IL18R1: variants seen among roughly 807,000 people sequenced by gnomAD.
IL18R1 encodes the protein interleukin 18 receptor 1.
In IL18R1, 40 loss-of-function variants were observed where a neutral mutation model predicts 48.5. The observed-to-expected ratio is 0.82, with a 90% CI of 0.64 to 1.07. The LOEUF (loss-of-function observed/expected upper bound fraction) is 1.07. Among genes scored for constraint, IL18R1 ranks in the 50% least tolerant of loss-of-function variants. IL18R1 has a pLI of 0.00. For synonymous variants in IL18R1, 232 were observed against 225.9 expected, an observed-to-expected ratio of 1.03 and a Z score of -0.24; for missense variants, 596 against 633.7, an observed-to-expected ratio of 0.94 and a Z score of 0.64.
At position 102,380,669 on chromosome 2, in the gene IL18R1, C is replaced by CACTG. The variant is rs367949546; in HGVS notation, c.626-950_626-947dup. Among the ~76,000 whole-genome samples, 1,071 of 152,308 alleles carry CACTG rather than the reference C, an allele frequency of 7.0e-3. 11 individuals are homozygous for CACTG. Among genetic ancestry groups the CACTG allele is most frequent in the Non-Finnish European group, 0.011 (766 of 68,042 alleles). ...CTGCATTCTCAACTGCTCACTCTGG[C>CACTG]ACTGCACTTTCTGAGAGGGCTCAGG... On this transcript the variant is annotated intron_variant, in intron 5 of 10. Coordinates refer to ENST00000233957, the MANE Select transcript of IL18R1 (RefSeq NM_003855.5).
intron 2 of IL18R1, among the ~76,000 whole-genome samples, chr2:102,363,268 A>G (rs1220818831): frequency 6.6e-6 from 1 of 151,922 alleles, no homozygotes. Context: ...ATAGCAAGGC[A>G]TTCCTTAGGC....
At chr2:102,369,468 A>G (rs546830159) in intron 3 of IL18R1, among the ~76,000 whole-genome samples, 1 of 152,206 alleles carries the variant, frequency 6.6e-6, no homozygotes, top group Non-Finnish European at 1.5e-5. Flanking sequence ...GCTAAGAAAA[A>G]TGAGGTGTCC....
intron 9 of IL18R1, among the ~76,000 whole-genome samples, chr2:102,394,167 C>A (rs1680697551): frequency 6.6e-6 from 1 of 151,940 alleles, no homozygotes; most frequent in Non-Finnish European, 1.5e-5. Context: ...AATGAGGACA[C>A]CTTTGGGCTC....
intron 3 of IL18R1, among the ~76,000 whole-genome samples, chr2:102,368,403 C>G (rs549614849): frequency 6.6e-6 from 1 of 152,260 alleles, no homozygotes; most frequent in African/African-American, 2.4e-5. Flanking sequence ...ATCAGCAGCT[C>G]GGACTTCACG....
At chr2:102,361,915 A>G (rs746188234) in intron 1 of IL18R1, among the ~76,000 whole-genome samples, 1 of 152,184 alleles carries the variant, frequency 6.6e-6, no homozygotes, top group Non-Finnish European at 1.5e-5. Context: ...CAGTCAATGT[A>G]AAGGAGGGGT....
intron 2 of IL18R1, among the ~76,000 whole-genome samples, chr2:102,366,198 C>G (rs1678886116): frequency 6.6e-6 from 1 of 152,162 alleles, no homozygotes; most frequent in East Asian, 1.9e-4. Context: ...GCTCTGTCAC[C>G]TCTTGAATGA....
chr2:102,390,108 T>C lies in IL18R1; in HGVS notation c.1002T>C (p.Ala334=). 6.2e-7 allele frequency: 1 copy of C among 1,614,116 alleles called. No individual in the cohort carries two copies. Residue 334 remains alanine, a synonymous_variant, in exon 9 of 11, where the codon GCT becomes GCC. Transcript: ENST00000233957. ...GHVFTRGMII[A]VLILVAVVCL... ...TCTTCACAAGAGGAATGATCATAGC[T>C]GTTTTGATCTTGGTGGCAGTAGTGT...
intron 5 of IL18R1, among the ~76,000 whole-genome samples, chr2:102,377,655 A>G (rs954033062): frequency 3.3e-5 from 5 of 152,228 alleles, no homozygotes; most frequent in East Asian, 1.9e-4. Context: ...TCCAGCTTCT[A>G]GAGACCACTT....
intron 6 of IL18R1, among the ~76,000 whole-genome samples, chr2:102,383,563 G>T (rs1326856052): frequency 6.6e-6 from 1 of 152,040 alleles, no homozygotes; most frequent in African/African-American, 2.4e-5. Flanking sequence ...CTCTCAATGT[G>T]TAGCTCTGTC....
chr2:102,376,116 A>T (rs1012411089), intron 5 of IL18R1, 53 bp downstream of exon 5: 100 of 1,432,990 alleles, frequency 7.0e-5, no homozygotes, highest in South Asian at 4.6e-4. Flanking sequence ...GTAAAATGGA[A>T]TTTTTTCATT....
intron 9 of IL18R1, among the ~76,000 whole-genome samples, chr2:102,390,934 C>CAAAAAAAAAAAAAAAAA (rs57709990): frequency 2.5e-5 from 2 of 80,236 alleles, no homozygotes; most frequent in South Asian, 4.4e-4. Flanking sequence ...GACTCCGTCT[C>CAAAAAAAAAAAAAAAAA]AAAAAAAAAA....
At chr2:102,372,879 T>C (rs944356800) in intron 4 of IL18R1, among the ~76,000 whole-genome samples, 1 of 152,200 alleles carries the variant, frequency 6.6e-6, no homozygotes, top group Non-Finnish European at 1.5e-5. Flanking sequence ...GTTTATATGA[T>C]TTGTCCTTCA....
rs1296983704 is a variant in IL18R1, at chr2:102,396,378, G to A, written c.1271-153G>A. Among the ~76,000 whole-genome samples the A allele has an allele frequency of 1.3e-5, 2 of 152,094 alleles. 1 individual carries two copies. Among genetic ancestry groups the A allele is most frequent in the African/African-American group, 4.8e-5 (2 of 41,414 alleles). The stretch of plus-strand genomic sequence containing the variant: ...TTGTTACCTAGAGATTTTTTAATAA[G>A]CATATAAAATTAAGAACAAATGGTT... On this transcript the variant is annotated intron_variant, in intron 10 of 10. Transcript: ENST00000233957.
chr2:102,383,001 T>C (rs931263110), intron 6 of IL18R1, among the ~76,000 whole-genome samples: 1 of 152,220 alleles, frequency 6.6e-6, no homozygotes, highest in Non-Finnish European at 1.5e-5. Context: ...ATTTTCATTC[T>C]ATTCAGTTTA....
At chr2:102,358,105 A>G (rs758453791) in intron 1 of IL18R1, among the ~76,000 whole-genome samples, 69 of 152,188 alleles carry the variant, frequency 4.5e-4, no homozygotes, top group Middle Eastern at 3.2e-3. Flanking sequence ...AGGCATCTAC[A>G]TTGATTCATG....
intron 2 of IL18R1, among the ~76,000 whole-genome samples, chr2:102,366,368 C>A (rs1354655015): frequency 6.6e-6 from 1 of 152,224 alleles, no homozygotes; most frequent in Middle Eastern, 3.2e-3. Context: ...CCATCTGAGA[C>A]CACCTCAGCC....
At chr2:102,362,871 GA>G (rs1291265253) in intron 2 of IL18R1, 153 bp downstream of exon 2, 2 of 435,168 alleles carry the variant, frequency 4.6e-6, no homozygotes, top group Non-Finnish European at 8.2e-6. Context: ...AGAGCAGAGT[GA>G]AAAACTTGCA....
intron 3 of IL18R1, among the ~76,000 whole-genome samples, chr2:102,369,619 A>G (rs932494990): frequency 1.2e-4 from 19 of 152,366 alleles, no homozygotes; most frequent in South Asian, 2.1e-4. Context: ...AGATACAGAC[A>G]TATTCAAATA....
chr2:102,387,722 G>T (rs1215791452), intron 8 of IL18R1, among the ~76,000 whole-genome samples: 1 of 152,140 alleles, frequency 6.6e-6, no homozygotes, highest in Non-Finnish European at 1.5e-5. Context: ...GTCAAGATCT[G>T]CAAGAGAGAG....
Sources: allele counts gnomAD v4.1 joint callset (sites outside exome capture counted in the v4.1 genomes callset), GRCh38; gene constraint gnomAD v4.1.1; transcripts MANE v1.5; gene names NCBI Gene and HGNC (gene_info 2026-07-23, HGNC 2026-07-21).